NIPA1: variants seen among roughly 807,000 people sequenced by gnomAD.
The protein encoded by NIPA1 is magnesium transporter NIPA1.
Under a neutral mutation model 23.9 loss-of-function variants are expected in NIPA1, and 13 were observed. The ratio of observed to expected loss-of-function variants is 0.54; its 90% CI spans 0.35 to 0.87. NIPA1 has a LOEUF of 0.87. NIPA1 is among the 40% of genes least tolerant of loss of function. The pLI, the probability that NIPA1 is intolerant of heterozygous loss-of-function variation, is 0.01. For synonymous variants in NIPA1, 234 were observed against 202.9 expected (o/e 1.15, Z -1.30); for missense variants, 362 against 429.7 (o/e 0.84, Z 1.39).
At chr15:22,821,120 T>C (rs770789928) in intron 4 of NIPA1, among the ~76,000 whole-genome samples, 4 of 151,974 alleles carry the variant, frequency 2.6e-5, no homozygotes, top group African/African-American at 4.8e-5. Context: ...CCTGCCACCA[T>C]GCCCGGCTAA....
In NIPA1 at chr15:22,824,059, GCT is replaced by G. The variant is rs1895601004; in HGVS notation, c.811_812del (p.Leu271GlyfsTer54). The G allele has an allele frequency of 6.2e-7, 1 of 1,613,990 alleles. No homozygotes were observed. Among genetic ancestry groups the G allele is most frequent in the Non-Finnish European group, 8.5e-7 (1 of 1,179,978 alleles). ...GAIYYVVFTT[L>X]VLLASAILFR... The stretch of plus-strand genomic sequence containing the variant: ...CCATCTACTACGTCGTGTTTACCAC[GCT>G]GGTCCTGCTGGCCTCAGCCATCCTC... On this transcript the variant is annotated frameshift_variant, in exon 5 of 5. Transcript: ENST00000337435. LOFTEE classifies it high-confidence loss of function. This position sits in a 1 kb window ranked among gnomAD's most constrained non-coding sequence, Gnocchi z 4.1.
At chr15:22,819,849 G>A (rs1280499454) in intron 3 of NIPA1, among the ~76,000 whole-genome samples, 1 of 152,100 alleles carries the variant, frequency 6.6e-6, no homozygotes, top group Non-Finnish European at 1.5e-5. Context: ...GTAATATAGT[G>A]GTGTAAATTA....
Position 22,824,429 on chromosome 15 carries a change from A to G in NIPA1, c.*190A>G. The G allele has an allele frequency of 1.6e-6, 1 of 616,008 alleles. No individual in the cohort carries two copies. The allele number at this position is 616,008 out of a possible 1,614,324, so 38.2% of individuals were successfully genotyped here. On this transcript the variant is annotated 3_prime_UTR_variant, in exon 5 of 5. Transcript: ENST00000337435. The surrounding 1 kb of genome is among the most constrained non-coding windows in gnomAD (Gnocchi z 4.1). ...AGGCCCAGCCAGCCCTCTGCAGCCC[A>G]AACGTCCCCAACGGTTGCCTGGCAC... is the stretch of plus-strand genomic sequence containing the variant.
rs145159105 is a variant in NIPA1 at position 22,819,707 on chromosome 15, C to T, written c.318-606C>T. The stretch of plus-strand genomic sequence containing the variant: ...TATAATTATTTTGACAGTTTTTGTA[C>T]CCTACTTTTCCATGTAGCATAGATA... On this transcript the variant is annotated intron_variant, in intron 3 of 4. Transcript: ENST00000337435. Among the ~76,000 whole-genome samples the T allele has an allele frequency of 3.5e-3, 526 of 151,890 alleles. 5 individuals are homozygous for T. The highest frequency in any genetic ancestry group is 0.012 in the African/African-American group (507 of 41,394).
intron 4 of NIPA1, among the ~76,000 whole-genome samples, chr15:22,822,988 G>A (rs866617354): frequency 7.4e-4 from 94 of 126,802 alleles, no homozygotes; most frequent in African/African-American, 2.7e-3. Context: ...GTGTGATCTC[G>A]GCTCACTGCA....
In NIPA1 at chr15:22,812,579, G is replaced by C. The variant is rs187708641; in HGVS notation, c.317+326G>C. Among the ~76,000 whole-genome samples, 39 of 152,000 alleles carry C rather than the reference G, an allele frequency of 2.6e-4. No homozygotes were observed. In the East Asian group the frequency reaches 7.0e-3, roughly 27 times the overall value. On this transcript the variant is annotated intron_variant, in intron 3 of 4. Transcript: ENST00000337435. The stretch of plus-strand genomic sequence containing the variant: ...GAGACACAAGAATTGCTTGAACCTG[G>C]GGGGCAGAGGTTGCAGTGAGTTGAG...
At chr15:22,816,031 A>G (rs553043004) in intron 3 of NIPA1, among the ~76,000 whole-genome samples, 1 of 152,282 alleles carries the variant, frequency 6.6e-6, no homozygotes, top group Non-Finnish European at 1.5e-5. Context: ...AAGATCAGGA[A>G]GAAAATAAGC....
chr15:22,799,584 C>G (rs1023802843), intron 1 of NIPA1, among the ~76,000 whole-genome samples: 1 of 151,984 alleles, frequency 6.6e-6, no homozygotes, highest in Non-Finnish European at 1.5e-5. Context: ...AGATCGAGAC[C>G]ATCCTGGCTA....
At chr15:22,788,269 A>AGGCG (rs1467397565) in intron 1 of NIPA1, among the ~76,000 whole-genome samples, 1 of 151,942 alleles carries the variant, frequency 6.6e-6, no homozygotes, top group African/African-American at 2.4e-5. Flanking sequence ...TGGGAGGCCG[A>AGGCG]GGCGGGCGGG....
intron 3 of NIPA1, among the ~76,000 whole-genome samples, chr15:22,815,955 G>A (rs1265737838): frequency 6.6e-6 from 1 of 151,984 alleles, no homozygotes; most frequent in Non-Finnish European, 1.5e-5. Flanking sequence ...AACTGACAAA[G>A]GGCCTCTGTC....
In NIPA1 at chr15:22,829,035, T is replaced by C. The variant is rs1432541409; in HGVS notation, c.*4796T>C. 1 of 152,232 alleles carries C rather than the reference T, an allele frequency of 6.6e-6. No individual in the cohort carries two copies. The highest frequency in any genetic ancestry group is 1.5e-5 in the Non-Finnish European group (1 of 68,036). 9.4% of individuals were successfully genotyped at this position (152,232 alleles called of 1,614,324 possible). On this transcript the variant is annotated 3_prime_UTR_variant, in exon 5 of 5. Transcript: ENST00000337435. ...TGCGCTGAGAAAGCAAAGGAAGTGC[T>C]GGGTGTAAAGTTTGCATGATTCCAT...
chr15:22,799,636 G>A (rs541612339), intron 1 of NIPA1, among the ~76,000 whole-genome samples: 2 of 151,886 alleles, frequency 1.3e-5, no homozygotes, highest in African/African-American at 2.4e-5. Flanking sequence ...CAAAAAATTA[G>A]CCAGGTGTGG....
chr15:22,808,438 C>T (rs1309664533), intron 1 of NIPA1, among the ~76,000 whole-genome samples: 3 of 152,132 alleles, frequency 2.0e-5, no homozygotes, highest in African/African-American at 7.2e-5. Flanking sequence ...AGAGGTAGGG[C>T]GTGGCTCAGG....
At chr15:22,800,121 A>G (rs915337481) in intron 1 of NIPA1, among the ~76,000 whole-genome samples, 1 of 151,932 alleles carries the variant, frequency 6.6e-6, no homozygotes, top group African/African-American at 2.4e-5. Flanking sequence ...GCATTGCACA[A>G]TATACGCAAA....
chr15:22,809,707 T>G (rs1431903104), intron 1 of NIPA1, among the ~76,000 whole-genome samples: 1 of 149,102 alleles, frequency 6.7e-6, no homozygotes, highest in Non-Finnish European at 1.5e-5. Context: ...ATCGCACCAG[T>G]GCATTCCAGC....
chr15:22,811,210 T>C (rs1463437101), intron 2 of NIPA1, among the ~76,000 whole-genome samples: 1 of 152,200 alleles, frequency 6.6e-6, no homozygotes, highest in African/African-American at 2.4e-5. Context: ...GAGAATTTCA[T>C]GAGTCAAAGA....
intron 1 of NIPA1, among the ~76,000 whole-genome samples, chr15:22,794,955 C>T (rs1380351898): frequency 6.6e-6 from 1 of 152,098 alleles, no homozygotes; most frequent in African/African-American, 2.4e-5. Flanking sequence ...CCCAGCTCTT[C>T]CAGGGCTGTC....
chr15:22,807,478 G>A (rs1895232730), intron 1 of NIPA1, among the ~76,000 whole-genome samples: 1 of 152,108 alleles, frequency 6.6e-6, no homozygotes, highest in South Asian at 2.1e-4. Context: ...CCAGCTACTT[G>A]GGAGGCTGAG....
chr15:22,796,320 T>C (rs940380564), intron 1 of NIPA1, among the ~76,000 whole-genome samples: 6 of 152,120 alleles, frequency 3.9e-5, no homozygotes, highest in Admixed American at 3.9e-4. Context: ...TTTCTTATGA[T>C]AGAAGCAGGA....
Sources: allele counts gnomAD v4.1 joint callset (sites outside exome capture counted in the v4.1 genomes callset), GRCh38; gene constraint gnomAD v4.1.1; non-coding constraint Gnocchi (gnomAD v3.1); transcripts MANE v1.5; gene names NCBI Gene and HGNC (gene_info 2026-07-23, HGNC 2026-07-21).